ATG10: variants seen among roughly 807,000 people sequenced by gnomAD.
ATG10 encodes autophagy related 10, also known as ubiquitin-like-conjugating enzyme ATG10.
A neutral mutation model predicts 32.1 loss-of-function variants in ATG10; 30 were observed. The observed-to-expected ratio is 0.94, with a 90% CI of 0.70 to 1.27. ATG10 has a LOEUF of 1.27. Ranked by LOEUF, ATG10 falls within the 50% of genes most tolerant of loss-of-function variation. The pLI is 0.00. For missense variants in ATG10, 233 were observed against 262.3 expected (o/e 0.89, Z 0.77); for synonymous variants, 87 against 91.5 (o/e 0.95, Z 0.28).
intron 3 of ATG10, among the ~76,000 whole-genome samples, chr5:82,107,665 A>G (rs1765483978): frequency 6.6e-6 from 1 of 152,128 alleles, no homozygotes; most frequent in Non-Finnish European, 1.5e-5. Flanking sequence ...ATTTAATTCT[A>G]TAAACATTCA....
At chr5:81,984,719 CTAGTTTATGAATTTGG>C (rs1761202198) in intron 1 of ATG10, among the ~76,000 whole-genome samples, 1 of 152,142 alleles carries the variant, frequency 6.6e-6, no homozygotes, top group Admixed American at 6.5e-5. Flanking sequence ...TCTGCCTCTA[CTAGTTTATGAATTTGG>C]TAGAGGACCA....
chr5:82,083,560 C>T (rs1016405261), intron 3 of ATG10, among the ~76,000 whole-genome samples: 13 of 152,306 alleles, frequency 8.5e-5, no homozygotes, highest in Admixed American at 7.2e-4. Context: ...CCCTGAGTAG[C>T]CTAACTGGGA....
At chr5:82,187,153 T>C (rs1744478541) in intron 5 of ATG10, among the ~76,000 whole-genome samples, 1 of 150,748 alleles carries the variant, frequency 6.6e-6, no homozygotes, top group African/African-American at 2.4e-5. Context: ...TAAAAAAAAA[T>C]GGTTATTTGG....
intron 2 of ATG10, among the ~76,000 whole-genome samples, chr5:82,045,738 C>T (rs1763215982): frequency 1.3e-5 from 2 of 152,120 alleles, no homozygotes; most frequent in Middle Eastern, 3.2e-3. Flanking sequence ...ACTTTTGTTA[C>T]ATTAATAAAA....
chr5:82,141,127 T>G (rs1014488354), intron 3 of ATG10, among the ~76,000 whole-genome samples: 1 of 142,618 alleles, frequency 7.0e-6, no homozygotes, highest in South Asian at 2.4e-4. Flanking sequence ...ACCAGAGACC[T>G]TTGTTCACTT....
At chr5:82,017,838 G>A (rs961871007) in intron 2 of ATG10, among the ~76,000 whole-genome samples, 4 of 152,026 alleles carry the variant, frequency 2.6e-5, no homozygotes, top group Non-Finnish European at 5.9e-5. Flanking sequence ...TTCAATTGGT[G>A]TCCTTACTCT....
intron 3 of ATG10, among the ~76,000 whole-genome samples, chr5:82,085,184 A>G (rs1188325688): frequency 6.6e-6 from 1 of 152,116 alleles, no homozygotes; most frequent in Admixed American, 6.5e-5. Flanking sequence ...TTGCAATCCT[A>G]GTCTCTGATA....
chr5:82,097,243 T>C (rs1322038810), intron 3 of ATG10, among the ~76,000 whole-genome samples: 2 of 152,162 alleles, frequency 1.3e-5, no homozygotes. Flanking sequence ...TTTTTTGTAT[T>C]GAAATTTAAA....
chr5:81,986,861 T>C (rs1296959716), intron 1 of ATG10, among the ~76,000 whole-genome samples: 2 of 152,032 alleles, frequency 1.3e-5, no homozygotes, highest in African/African-American at 4.8e-5. Flanking sequence ...CTGGCCAACA[T>C]GGTGGAACCC....
At chr5:82,198,437 A>G (rs1284462394) in intron 5 of ATG10, among the ~76,000 whole-genome samples, 1 of 152,058 alleles carries the variant, frequency 6.6e-6, no homozygotes, top group African/African-American at 2.4e-5. Flanking sequence ...TAATTTTTGT[A>G]TTTTTAATAG....
chr5:82,162,891 A>G (rs1278048983), intron 3 of ATG10, among the ~76,000 whole-genome samples: 1 of 152,112 alleles, frequency 6.6e-6, no homozygotes, highest in Non-Finnish European at 1.5e-5. Context: ...TTGTGTGCCA[A>G]AAATCAAAAA....
At chr5:82,030,778 A>G (rs750868924) in intron 2 of ATG10, among the ~76,000 whole-genome samples, 5 of 152,222 alleles carry the variant, frequency 3.3e-5, no homozygotes, top group Non-Finnish European at 2.9e-5. Context: ...AGCCTGTCAC[A>G]TTTGGGCTCT....
chr5:82,139,531 G>A (rs1217313253), intron 3 of ATG10, among the ~76,000 whole-genome samples: 7 of 141,102 alleles, frequency 5.0e-5, no homozygotes, highest in Admixed American at 6.9e-5. Flanking sequence ...CTGCCCGGCC[G>A]AGACCCCGTC....
At chr5:82,233,215 A>G (rs1746432799) in intron 5 of ATG10, among the ~76,000 whole-genome samples, 2 of 152,140 alleles carry the variant, frequency 1.3e-5, no homozygotes, top group South Asian at 4.2e-4. Context: ...TAACTAGATA[A>G]TATTTTTCCT....
intron 2 of ATG10, among the ~76,000 whole-genome samples, chr5:82,027,534 T>A (rs1418940868): frequency 1.3e-5 from 2 of 152,244 alleles, no homozygotes; most frequent in Non-Finnish European, 2.9e-5. Flanking sequence ...TGAATTTTGA[T>A]GAAGTTTGTT....
chr5:82,115,645 C>G (rs1765782157), intron 3 of ATG10, among the ~76,000 whole-genome samples: 1 of 151,896 alleles, frequency 6.6e-6, no homozygotes, highest in Admixed American at 6.6e-5. Context: ...CATACTGTCT[C>G]ATACTTTAAA....
At chr5:82,114,432 C>T (rs979497594) in intron 3 of ATG10, among the ~76,000 whole-genome samples, 4 of 152,022 alleles carry the variant, frequency 2.6e-5, no homozygotes, top group African/African-American at 9.7e-5. Context: ...ACTATGCGTA[C>T]TAAACCAATT....
intron 3 of ATG10, among the ~76,000 whole-genome samples, chr5:82,062,829 G>A (rs187885015): frequency 9.4e-4 from 143 of 152,266 alleles, no homozygotes; most frequent in Non-Finnish European, 8.5e-4. Flanking sequence ...AACAGTGGTA[G>A]ACTAATTAGA....
chr5:82,055,257 A>C (rs182261943), intron 2 of ATG10, among the ~76,000 whole-genome samples: 92 of 152,288 alleles, frequency 6.0e-4, no homozygotes, highest in African/African-American at 2.0e-3. Flanking sequence ...AAAAATCACC[A>C]CTACCAAATA....
Sources: allele counts gnomAD v4.1 joint callset (sites outside exome capture counted in the v4.1 genomes callset), GRCh38; gene constraint gnomAD v4.1.1; transcripts MANE v1.5; gene names NCBI Gene and HGNC (gene_info 2026-07-23, HGNC 2026-07-21).